Variants in PHF24 observed in about 807,000 individuals in gnomAD.
PHF24 encodes the protein PHD finger protein 24, also known as Galpha inhibitory interacting protein.
In PHF24, 25 loss-of-function variants were observed where a neutral mutation model predicts 42.6. That is an observed-to-expected ratio of 0.59 (90% CI 0.43 to 0.82). PHF24 has a LOEUF of 0.82. Ranked by LOEUF, PHF24 falls within the 40% of genes least tolerant of loss-of-function variation. The probability of loss-of-function intolerance (pLI) is 0.00; values close to 1 mark genes in which losing one functional copy is unlikely to be tolerated. For missense variants in PHF24, 470 were observed against 538.1 expected (o/e 0.87, Z 1.25); for synonymous variants, 185 against 204.8 (o/e 0.90, Z 0.83).
At chr9:34,880,673 T>G in the PHF24 span, among the ~76,000 whole-genome samples, 19 of 152,222 alleles carry the variant, frequency 1.2e-4, no homozygotes, top group Admixed American at 1.0e-3. Flanking sequence ...TAAATATATA[T>G]ACACCCAATA....
the PHF24 span, among the ~76,000 whole-genome samples, chr9:34,799,956 T>G: frequency 1.3e-5 from 2 of 152,074 alleles, no homozygotes; most frequent in African/African-American, 4.8e-5. Flanking sequence ...ACACAGAATG[T>G]GAAATGATAG....
chr9:34,833,136 C>T, the PHF24 span: 4 of 1,551,398 alleles, frequency 2.6e-6, no homozygotes, highest in Admixed American at 7.8e-5. Flanking sequence ...TCCCTGGCTG[C>T]TTTGGTTTCC....
At chr9:34,839,706 C>A in the PHF24 span, among the ~76,000 whole-genome samples, 1 of 152,142 alleles carries the variant, frequency 6.6e-6, no homozygotes, top group Non-Finnish European at 1.5e-5. Flanking sequence ...GTCAAGGGTA[C>A]AAGGACTTTG....
chr9:34,813,310 A>G, the PHF24 span, among the ~76,000 whole-genome samples: 2 of 152,272 alleles, frequency 1.3e-5, no homozygotes, highest in East Asian at 1.9e-4. Flanking sequence ...CTACCTGACA[A>G]ACACTTCTGT....
chr9:34,922,414 G>C, the PHF24 span: 1 of 1,353,728 alleles, frequency 7.4e-7, no homozygotes. Context: ...TTAAGGGCCA[G>C]ACCCAGTCTG....
chr9:34,772,352 A>C, the PHF24 span, among the ~76,000 whole-genome samples: 29 of 152,304 alleles, frequency 1.9e-4, no homozygotes, highest in Admixed American at 1.4e-3. Context: ...TGTGTGTATA[A>C]AAATTGATTA....
chr9:34,856,544 G>A, the PHF24 span, among the ~76,000 whole-genome samples: 1 of 152,150 alleles, frequency 6.6e-6, no homozygotes. Context: ...GGGCTGCTAT[G>A]GTTTGCTGGG....
chr9:34,793,124 T>G, the PHF24 span, among the ~76,000 whole-genome samples: 1 of 152,080 alleles, frequency 6.6e-6, no homozygotes, highest in Non-Finnish European at 1.5e-5. Context: ...ATAATTCTTA[T>G]GAGATCATGG....
the PHF24 span, among the ~76,000 whole-genome samples, chr9:34,825,243 A>G: frequency 0.56 from 85,048 of 150,666 alleles, 25,039 homozygotes; most frequent in Non-Finnish European, 0.65. Flanking sequence ...GGGGGCCCTC[A>G]GGGTGATGGG....
the PHF24 span, chr9:34,709,682 C>G: frequency 6.2e-7 from 1 of 1,613,848 alleles, no homozygotes; most frequent in Non-Finnish European, 8.5e-7. Flanking sequence ...GGGGCAAGAA[C>G]CTGCGGGTGG....
chr9:34,938,773 CAAA>C, the PHF24 span, among the ~76,000 whole-genome samples: 1 of 143,028 alleles, frequency 7.0e-6, no homozygotes. Context: ...ACTAAAAATA[CAAA>C]AAAAAAAAAA....
chr9:34,846,521 T>G, the PHF24 span, among the ~76,000 whole-genome samples: 1 of 152,024 alleles, frequency 6.6e-6, no homozygotes, highest in Non-Finnish European at 1.5e-5. Context: ...ATGAGTAGGT[T>G]GCAAAAATTT....
chr9:34,729,353 A>C, the PHF24 span: 3 of 1,551,858 alleles, frequency 1.9e-6, no homozygotes, highest in Non-Finnish European at 2.6e-6. Flanking sequence ...AGATAATTAC[A>C]ATAACGATGA....
the PHF24 span, among the ~76,000 whole-genome samples, chr9:34,901,161 A>T: frequency 6.6e-6 from 1 of 152,230 alleles, no homozygotes; most frequent in Non-Finnish European, 1.5e-5. Flanking sequence ...GAATTCTAAC[A>T]AATATTTGAG....
chr9:34,883,230 C>T, the PHF24 span, among the ~76,000 whole-genome samples: 3 of 152,138 alleles, frequency 2.0e-5, no homozygotes, highest in Non-Finnish European at 2.9e-5. Flanking sequence ...GGATTAAAGA[C>T]TTACATGTTA....
At chr9:34,726,102 T>C in the PHF24 span, 4 of 1,485,768 alleles carry the variant, frequency 2.7e-6, no homozygotes, top group South Asian at 4.9e-5. Flanking sequence ...TCTGGGTTCA[T>C]TGTGGACCAT....
chr9:34,731,147 A>G, the PHF24 span, among the ~76,000 whole-genome samples: 1 of 151,964 alleles, frequency 6.6e-6, no homozygotes, highest in African/African-American at 2.4e-5. Context: ...TTTATTTTGT[A>G]TGGGTACATA....
At chr9:34,768,517 A>G in the PHF24 span, among the ~76,000 whole-genome samples, 2 of 152,184 alleles carry the variant, frequency 1.3e-5, no homozygotes, top group Non-Finnish European at 2.9e-5. Flanking sequence ...ACTTTTTAAA[A>G]AATCTGTAAA....
chr9:34,770,674 A>G, the PHF24 span, among the ~76,000 whole-genome samples: 1 of 152,218 alleles, frequency 6.6e-6, no homozygotes, highest in Admixed American at 6.5e-5. Flanking sequence ...AGAAGAAAAG[A>G]AGTTAGGGGA....
Sources: allele counts gnomAD v4.1 joint callset (sites outside exome capture counted in the v4.1 genomes callset), GRCh38; gene constraint gnomAD v4.1.1; transcripts MANE v1.5; gene names NCBI Gene and HGNC (gene_info 2026-07-23, HGNC 2026-07-21).